The following ZNF334 variants were observed in gnomAD, a reference collection of about 807,000 sequenced individuals.
ZNF334 encodes the protein zinc finger protein 334.
A neutral mutation model predicts 12.4 loss-of-function variants in ZNF334; 14 were observed. The ratio of observed to expected loss-of-function variants is 1.13; its 90% CI spans 0.74 to 1.76. The LOEUF (loss-of-function observed/expected upper bound fraction) is 1.76, where lower values mean the gene tolerates loss of function less well. ZNF334 is among the 40% of genes most tolerant of loss of function. The pLI, the probability that ZNF334 is intolerant of heterozygous loss-of-function variation, is 0.00. For synonymous variants in ZNF334, 273 were observed against 269.6 expected, an observed-to-expected ratio of 1.01 and a Z score of -0.12; for missense variants, 797 against 804.5, an observed-to-expected ratio of 0.99 and a Z score of 0.11.
chr20:46,465,703 C>T, the ZNF334 span, among the ~76,000 whole-genome samples: 1 of 151,882 alleles, frequency 6.6e-6, no homozygotes, highest in Non-Finnish European at 1.5e-5. Context: ...CCAGCCTGTC[C>T]CAGCACTTTG....
At chr20:46,465,629 G>GT in the ZNF334 span, among the ~76,000 whole-genome samples, 1 of 152,168 alleles carries the variant, frequency 6.6e-6, no homozygotes, top group Non-Finnish European at 1.5e-5. Context: ...GGAAGCTGAG[G>GT]TAGGAGGATC....
chr20:46,513,400 C>G lies in ZNF334; in HGVS notation c.-899G>C, dbSNP rs1298164652. 1 of 152,588 alleles carries G rather than the reference C, an allele frequency of 6.6e-6. No individual in the cohort carries two copies. Among genetic ancestry groups the G allele is most frequent in the Non-Finnish European group, 1.5e-5 (1 of 68,384 alleles). 9.5% of individuals were successfully genotyped at this position (152,588 alleles called of 1,614,324 possible). On this transcript the variant is annotated 5_prime_UTR_variant, in exon 1 of 5. Transcript: ENST00000692313. The stretch of plus-strand genomic sequence containing the variant: ...TCCGCAGACCCGAGGCCCGCTCCGC[C>G]CGGCCCCACCGTTCCCTCCGACGCC...
At chr20:46,488,766 T>C in the ZNF334 span, among the ~76,000 whole-genome samples, 2 of 151,824 alleles carry the variant, frequency 1.3e-5, no homozygotes, top group South Asian at 2.1e-4. Flanking sequence ...GTCTTCATTT[T>C]TGAAAGCCAT....
the ZNF334 span, chr20:46,464,432 C>A: frequency 2.0e-6 from 1 of 512,216 alleles, no homozygotes; most frequent in South Asian, 1.5e-5. Context: ...GATCCCAAAG[C>A]CACGCTCACT....
chr20:46,506,365 C>T, intron 2 of ZNF334: 1 of 608,482 alleles, frequency 1.6e-6, no homozygotes, highest in South Asian at 2.0e-5. Context: ...GTGGCGCACA[C>T]CTATAATCCC....
rs767182604 is a variant in ZNF334, at chr20:46,502,001, T to C, written c.1338A>G (p.Ser446=). The C allele has an allele frequency of 2.5e-6, 4 of 1,614,086 alleles. No homozygotes were observed. In the South Asian group the frequency reaches 3.3e-5, roughly 13 times the overall value. The change falls in exon 5 of 5, where the codon TCA becomes TCG. Residue 446 remains serine (S), a synonymous_variant. Coordinates refer to ENST00000692313, the MANE Select transcript of ZNF334 (RefSeq NM_001353824.2). Reference sequence around the variant, plus strand: ...GAGTTATCTGATGTGCAATGAGGGCTGATTTCGTACATAAAAATTTTCCAC... The same window carrying C: ...GAGTTATCTGATGTGCAATGAGGGCCGATTTCGTACATAAAAATTTTCCAC... ...SQCGKFLCTK[S]ALIAHQITHR...
At position 46,504,670 on chromosome 20, in the gene ZNF334, T is replaced by C; in HGVS notation, c.92A>G (p.Gln31Arg). The change falls in exon 3 of 5, where the codon CAG becomes CGG. Residue 31 changes from glutamine (Q) to arginine (R), a missense_variant. Coordinates refer to ENST00000692313, the MANE Select transcript of ZNF334 (RefSeq NM_001353824.2). ...CATCACATCCCTGTACAGGAGCCTC[T>C]GAGCAGGGTCCAGTTGCTGCCATTC... is the stretch of plus-strand genomic sequence containing the variant. The part of the protein sequence containing the change: ...QEEWQQLDPA[Q>R]RLLYRDVMLE... 1 of 1,612,710 alleles carries C rather than the reference T, an allele frequency of 6.2e-7. No homozygotes were observed. Among genetic ancestry groups the C allele is most frequent in the Non-Finnish European group, 8.5e-7 (1 of 1,179,510 alleles).
At chr20:46,473,849 C>G in the ZNF334 span, among the ~76,000 whole-genome samples, 3 of 152,126 alleles carry the variant, frequency 2.0e-5, no homozygotes, top group Admixed American at 2.0e-4. Context: ...CAATTAATAC[C>G]TGCACTTGAC....
chr20:46,503,206 C>G, intron 4 of ZNF334, 109 bp from the exon 5 acceptor site: 1 of 1,269,252 alleles, frequency 7.9e-7, no homozygotes, highest in Non-Finnish European at 1.0e-6. Context: ...TCAGGCCAAG[C>G]CTTCCAAGAT....
chr20:46,504,632 TGTA>T lies in ZNF334; in HGVS notation c.127_129del (p.Tyr43del). The T allele has an allele frequency of 6.2e-7, 1 of 1,604,076 alleles. No individual in the cohort carries two copies. Among genetic ancestry groups the T allele is most frequent in the East Asian group, 2.2e-5 (1 of 44,700 alleles). ...TCCTTACCCACAGAGACCAAGTTGCTGTAGTTCTCCAGCATCACATCCCTGTAC... is the reference window on the plus strand; with the variant it reads ...TCCTTACCCACAGAGACCAAGTTGCTGTTCTCCAGCATCACATCCCTGTAC... On this transcript the variant is annotated inframe_deletion, in exon 3 of 5. Coordinates refer to ENST00000692313, the MANE Select transcript of ZNF334 (RefSeq NM_001353824.2).
chr20:46,501,572 T>C lies in ZNF334; in HGVS notation c.1767A>G (p.Glu589=), dbSNP rs1438196863. The C allele has an allele frequency of 6.2e-7, 1 of 1,614,094 alleles. No individual in the cohort carries two copies. Among genetic ancestry groups the C allele is most frequent in the South Asian group, 1.1e-5 (1 of 91,074 alleles). Residue 589 remains glutamate, a synonymous_variant, in exon 5 of 5, where the codon GAA becomes GAG. Transcript: ENST00000692313. ...KTFCQKFSFV[E]HQRTHTGEKP... is the part of the protein sequence containing the mutation. ...TCTCCCCAGTGTGAGTTCGCTGATG[T>C]TCAACAAAGGAGAACTTCTGACAGA...
the ZNF334 span, among the ~76,000 whole-genome samples, chr20:46,486,751 T>A: frequency 6.6e-6 from 1 of 152,192 alleles, no homozygotes; most frequent in African/African-American, 2.4e-5. Flanking sequence ...TTTCTGGACA[T>A]CTGTGAATTT....
At position 46,502,460 on chromosome 20, in the gene ZNF334, A is replaced by G. The variant is rs1568858623; in HGVS notation, c.879T>C (p.Tyr293=). ...AGGTTTTCCTGCATTCACTGCATTCATAGGGTCTCTCTCCAGTATGAATTC... is the reference window on the plus strand; with the variant it reads ...AGGTTTTCCTGCATTCACTGCATTCGTAGGGTCTCTCTCCAGTATGAATTC... ...HRRIHTGERP[Y]ECSECRKTFI... Residue 293 remains tyrosine (Y), a synonymous_variant, in exon 5 of 5, where the codon TAT becomes TAC. Coordinates refer to ENST00000692313, the MANE Select transcript of ZNF334 (RefSeq NM_001353824.2). 1.9e-6 allele frequency: 3 copies of G among 1,614,078 alleles called. No individual in the cohort carries two copies. Among genetic ancestry groups the G allele is most frequent in the East Asian group, 2.2e-5 (1 of 44,886 alleles).
Position 46,501,827 on chromosome 20 carries a change from G to A in ZNF334, c.1512C>T (p.Cys504=). Residue 504 remains cysteine, a synonymous_variant, in exon 5 of 5, where the codon TGC becomes TGT. Transcript: ENST00000692313. ...CGRISIVKSN[C]SQCKRMNTKE... ...TTGTGTTCATTCTCTTACACTGACT[G>A]CAGTTTGACTTCACAATGGAGATTC... The A allele has an allele frequency of 6.2e-7, 1 of 1,613,930 alleles. No homozygotes were observed. The highest frequency in any genetic ancestry group is 1.7e-4 in the Middle Eastern group (1 of 6,060).
chr20:46,488,503 C>T, the ZNF334 span, among the ~76,000 whole-genome samples: 6 of 148,330 alleles, frequency 4.0e-5, no homozygotes, highest in South Asian at 2.1e-4. Context: ...TTTACTTTCA[C>T]GTTATAAGCC....
At chr20:46,474,487 A>G in the ZNF334 span, 1 of 152,316 alleles carries the variant, frequency 6.6e-6, no homozygotes, top group East Asian at 1.9e-4. Context: ...AATTATATAT[A>G]TGTATATACT....
At chr20:46,473,573 C>T in the ZNF334 span, among the ~76,000 whole-genome samples, 1 of 152,204 alleles carries the variant, frequency 6.6e-6, no homozygotes, top group African/African-American at 2.4e-5. Context: ...TGATAACAAT[C>T]CCATTCAAGA....
the ZNF334 span, chr20:46,464,508 C>T: frequency 4.1e-6 from 2 of 487,528 alleles, no homozygotes; most frequent in Non-Finnish European, 8.1e-6. Flanking sequence ...CTGCACTGCA[C>T]AGCAAATGAG....
the ZNF334 span, among the ~76,000 whole-genome samples, chr20:46,473,115 T>C: frequency 6.6e-6 from 1 of 152,226 alleles, no homozygotes; most frequent in Non-Finnish European, 1.5e-5. Context: ...CCACTTTTAT[T>C]GGCATAAATT....
Sources: gnomAD v4.1 joint callset for allele counts (sites outside exome capture counted in the v4.1 genomes callset) on GRCh38, gnomAD v4.1.1 for gene constraint, MANE v1.5 for transcripts, NCBI Gene and HGNC (gene_info 2026-07-23, HGNC 2026-07-21) for gene names.